SGSM3: variants seen among roughly 807,000 people sequenced by gnomAD.
SGSM3 encodes the protein small G protein signaling modulator 3, also known as RUN and SH3 containing 3.
A neutral mutation model predicts 100.5 loss-of-function variants in SGSM3; 96 were observed. The ratio of observed to expected loss-of-function variants is 0.96; its 90% CI spans 0.81 to 1.13. SGSM3 has a LOEUF of 1.13. Ranked by LOEUF, SGSM3 falls within the 50% of genes most tolerant of loss-of-function variation. The pLI, the probability that SGSM3 is intolerant of heterozygous loss-of-function variation, is 0.00. For synonymous variants in SGSM3, 483 were observed against 422.8 expected (o/e 1.14, Z -1.75); for missense variants, 1,001 against 1,015.8 (o/e 0.99, Z 0.20).
At chr22:40,396,592 C>CAAAAA (rs778373023) in intron 1 of SGSM3, among the ~76,000 whole-genome samples, 1 of 44,448 alleles carries the variant, frequency 2.2e-5, no homozygotes, top group African/African-American at 8.0e-5. Flanking sequence ...GACTCTGTCT[C>CAAAAA]AAAAAAAAAA....
chr22:40,402,611 C>T (rs900169826), intron 4 of SGSM3, among the ~76,000 whole-genome samples: 21 of 152,170 alleles, frequency 1.4e-4, no homozygotes, highest in African/African-American at 3.1e-4. Context: ...TGATGGTGTG[C>T]GACTGTAATC....
chr22:40,380,205 AT>A (rs1235442371), intron 1 of SGSM3, among the ~76,000 whole-genome samples: 6 of 151,974 alleles, frequency 3.9e-5, no homozygotes, highest in Non-Finnish European at 5.9e-5. Flanking sequence ...GACTATTAAC[AT>A]TTTTTTAATG....
chr22:40,406,040 C>G (rs1363132382), intron 8 of SGSM3, 38 bp from the exon 9 acceptor site: 3 of 1,600,502 alleles, frequency 1.9e-6, no homozygotes, highest in Middle Eastern at 3.3e-4. Flanking sequence ...AGGTTTCCAC[C>G]ACCTCCTCCC....
chr22:40,405,387 C>G lies in SGSM3; in HGVS notation c.618+103C>G, dbSNP rs1035082236. 6 of 1,183,192 alleles carry G rather than the reference C, an allele frequency of 5.1e-6. No individual in the cohort carries two copies. The Admixed American group carries it at 1.9e-4, about 37-fold the overall frequency. 73.3% of individuals were successfully genotyped at this position (1,183,192 alleles called of 1,614,324 possible). A position where few individuals can be genotyped will look rare whatever the true frequency, so the allele number is the denominator to read the frequency against. On this transcript the variant is annotated intron_variant, in intron 7 of 21. Transcript: ENST00000248929. The stretch of plus-strand genomic sequence containing the variant: ...CGGGGCAGTAGCCCCAGGGCCTCCT[C>G]CAGGACCCCTAACAAGGAGTGGCCT...
At position 40,410,176 on chromosome 22, in the gene SGSM3, T is replaced by C. The variant is rs1001449887; in HGVS notation, c.*417T>C. On this transcript the variant is annotated 3_prime_UTR_variant, in exon 22 of 22. Transcript: ENST00000248929. The stretch of plus-strand genomic sequence containing the variant: ...TTCAGGTCCAAGGTTCTGCCCTTCC[T>C]TGAGTGGTCTAGAAGGCACTGCGTG... The C allele has an allele frequency of 1.3e-5, 14 of 1,083,572 alleles. No homozygotes were observed. In the East Asian group the frequency reaches 2.1e-4, roughly 16 times the overall value. The allele number at this position is 1,083,572 out of a possible 1,614,324, so 67.1% of individuals were successfully genotyped here. A position where few individuals can be genotyped will look rare whatever the true frequency, so the allele number is the denominator to read the frequency against.
intron 1 of SGSM3, among the ~76,000 whole-genome samples, chr22:40,386,596 A>G (rs969123390): frequency 6.9e-6 from 1 of 144,600 alleles, no homozygotes; most frequent in African/African-American, 2.6e-5. Context: ...TTTTAATAAA[A>G]AGACAACTAG....
intron 1 of SGSM3, among the ~76,000 whole-genome samples, chr22:40,389,878 T>C (rs1284152916): frequency 7.6e-6 from 1 of 131,180 alleles, no homozygotes; most frequent in Non-Finnish European, 1.6e-5. Context: ...CACTCCAGCC[T>C]GGGCAACAAG....
chr22:40,393,166 G>C (rs2049579059), intron 1 of SGSM3, among the ~76,000 whole-genome samples: 1 of 152,200 alleles, frequency 6.6e-6, no homozygotes, highest in Non-Finnish European at 1.5e-5. Flanking sequence ...TGCCAGGCTG[G>C]AGTGCAGTGG....
intron 4 of SGSM3, 139 bp downstream of exon 4, chr22:40,402,344 A>C: frequency 1.4e-6 from 1 of 695,716 alleles, no homozygotes; most frequent in East Asian, 2.5e-5. Flanking sequence ...AGTGTATCTG[A>C]GGGTGATACT....
rs971262976 is a variant in SGSM3, at chr22:40,395,761, C to T, written c.-111-4935C>T. Among the ~76,000 whole-genome samples, 3 of 152,218 alleles carry T rather than the reference C, an allele frequency of 2.0e-5. No homozygotes were observed. The East Asian group carries it at 5.8e-4, about 29-fold the overall frequency. On this transcript the variant is annotated intron_variant, in intron 1 of 21. Transcript: ENST00000248929. The stretch of plus-strand genomic sequence containing the variant: ...CCTAGGCCTTGCCTGTGGCCACTCC[C>T]ATTCTCATTCCCCACATCCAACTCT...
In SGSM3 at chr22:40,399,612, A is replaced by G. The variant is rs984826574; in HGVS notation, c.-111-1084A>G. Among the ~76,000 whole-genome samples the G allele has an allele frequency of 7.2e-5, 11 of 152,336 alleles. No individual in the cohort carries two copies. The South Asian group carries it at 2.3e-3, about 32-fold the overall frequency. ...GAATGATGACATGACATGCTTTTTA[A>G]AATTTCTAGCTCAGTCTCTTTAATG... On this transcript the variant is annotated intron_variant, in intron 1 of 21. Transcript: ENST00000248929.
At chr22:40,386,578 T>TTA (rs1333800639) in intron 1 of SGSM3, among the ~76,000 whole-genome samples, 2 of 148,220 alleles carry the variant, frequency 1.3e-5, no homozygotes, top group Non-Finnish European at 3.0e-5. Flanking sequence ...TTTTTTTTTT[T>TTA]TTTTTTTTTT....
intron 1 of SGSM3, among the ~76,000 whole-genome samples, chr22:40,399,393 CA>C (rs1200990104): frequency 6.6e-6 from 1 of 152,236 alleles, no homozygotes; most frequent in Non-Finnish European, 1.5e-5. Flanking sequence ...TCTCAGGCTC[CA>C]AGCCAGCAGG....
chr22:40,408,582 A>G (rs1275260464), intron 16 of SGSM3, 45 bp from the exon 17 acceptor site: 2 of 1,609,954 alleles, frequency 1.2e-6, no homozygotes, highest in East Asian at 4.5e-5. Flanking sequence ...GCTTTGAACC[A>G]GCATCTTCCT....
intron 1 of SGSM3, among the ~76,000 whole-genome samples, chr22:40,387,940 C>T (rs1328326221): frequency 1.3e-5 from 2 of 152,168 alleles, no homozygotes; most frequent in East Asian, 3.8e-4. Flanking sequence ...ACCTTGTGTG[C>T]TGAATTCTAG....
rs1387994913 is a variant in SGSM3 at position 40,372,081 on chromosome 22, A to G, written c.-112+1393A>G. ...TGTAGCTTTTTCATCCCTAATTATC[A>G]TAGTAGCCTGAGCTTTAGTTCTTCT... is the stretch of plus-strand genomic sequence containing the variant. On this transcript the variant is annotated intron_variant, in intron 1 of 21. Coordinates refer to ENST00000248929, the MANE Select transcript of SGSM3 (RefSeq NM_015705.6). 4.1e-5 allele frequency among the ~76,000 whole-genome samples: 6 copies of G among 147,444 alleles called. No homozygotes were observed. In the South Asian group the frequency reaches 8.6e-4, roughly 21 times the overall value.
In SGSM3 at chr22:40,408,702, C is replaced by G; in HGVS notation, c.1853+5C>G. 1 of 1,614,036 alleles carries G rather than the reference C, an allele frequency of 6.2e-7. No homozygotes were observed. The highest frequency in any genetic ancestry group is 8.5e-7 in the Non-Finnish European group (1 of 1,180,032). ...GGTGCTCTGTAAGACCTTCAGGTAA[C>G]TCGGCCCGGGTTCTTCTGGTGGGGT... On this transcript the variant is annotated splice_donor_5th_base_variant and intron_variant, in intron 17 of 21. Coordinates refer to ENST00000248929, the MANE Select transcript of SGSM3 (RefSeq NM_015705.6).
At chr22:40,377,061 G>C (rs2046750336) in intron 1 of SGSM3, among the ~76,000 whole-genome samples, 1 of 152,172 alleles carries the variant, frequency 6.6e-6, no homozygotes, top group Admixed American at 6.6e-5. Context: ...TCCATATCTA[G>C]ATCATGTGGA....
In SGSM3 at chr22:40,404,244, CAGA is replaced by C; in HGVS notation, c.158_160del (p.Glu53del). On this transcript the variant is annotated splice_acceptor_variant and coding_sequence_variant, in exon 5 of 22. Transcript: ENST00000248929. LOFTEE classifies it high-confidence loss of function. ...TCTTTCCTCCTTGGCTCTCTCTTGG[CAGA>C]AGGTGATGAGCCTGGCTCCAGTCTG... is the stretch of plus-strand genomic sequence containing the variant. The C allele has an allele frequency of 6.6e-7, 1 of 1,509,134 alleles. No homozygotes were observed. The highest frequency in any genetic ancestry group is 8.9e-7 in the Non-Finnish European group (1 of 1,128,540). The allele number at this position is 1,509,134 out of a possible 1,614,324, so 93.5% of individuals were successfully genotyped here.
Sources: gnomAD v4.1 joint callset for allele counts (sites outside exome capture counted in the v4.1 genomes callset) on GRCh38, gnomAD v4.1.1 for gene constraint, MANE v1.5 for transcripts, NCBI Gene and HGNC (gene_info 2026-07-23, HGNC 2026-07-21) for gene names.